FKBP2: variants seen among roughly 807,000 people sequenced by gnomAD.
FKBP2 encodes the protein peptidyl-prolyl cis-trans isomerase FKBP2.
FKBP2 carries 15 observed loss-of-function variants against 19.4 expected under a neutral mutation model. That is an observed-to-expected ratio of 0.77 (90% CI 0.52 to 1.19). The LOEUF (loss-of-function observed/expected upper bound fraction) is 1.19. Ranked by LOEUF, FKBP2 falls within the 50% of genes most tolerant of loss-of-function variation. The probability of loss-of-function intolerance (pLI) is 0.00; values close to 1 mark genes in which losing one functional copy is unlikely to be tolerated. For synonymous variants in FKBP2, 76 were observed against 74.8 expected (o/e 1.02, Z -0.08); for missense variants, 170 against 179.0 (o/e 0.95, Z 0.29).
intron 2 of FKBP2, 76 bp downstream of exon 2, chr11:64,242,634 C>G: frequency 6.9e-7 from 1 of 1,451,964 alleles, no homozygotes; most frequent in Non-Finnish European, 9.2e-7. Flanking sequence ...GTCTGGTTCT[C>G]CATAAGCCAG....
chr11:64,243,345 G>C (rs2030670936), intron 3 of FKBP2, 34 bp downstream of exon 3: 1 of 1,598,498 alleles, frequency 6.3e-7, no homozygotes. Flanking sequence ...GGGAGTGGGG[G>C]CGTGCATGGC....
At chr11:64,242,167 C>T (rs1310589880) in intron 1 of FKBP2, 4 of 476,600 alleles carry the variant, frequency 8.4e-6, no homozygotes, top group Non-Finnish European at 1.1e-5. Flanking sequence ...CTGACCCCCT[C>T]CCCCCGCTGC....
rs1375630371 is a variant in FKBP2 at position 64,242,505 on chromosome 11, G to A, written c.118G>A (p.Asp40Asn). 6.4e-7 allele frequency: 1 copy of A among 1,556,106 alleles called. No individual in the cohort carries two copies. The highest frequency in any genetic ancestry group is 8.6e-7 in the Non-Finnish European group (1 of 1,157,528). The change falls in exon 2 of 6, where the codon GAC (aspartate) becomes AAC (asparagine). Residue 40 changes from aspartate to asparagine, a missense_variant. By Grantham distance (23) the Asp-to-Asn change is conservative. Transcript: ENST00000309366. ...KLQIGVKKRV[D>N]HCPIKSRKGD... ...GCAGATCGGGGTCAAGAAGCGGGTGGACCACTGTCCCATCAAATCGCGCAA... is the reference window on the plus strand; with the variant it reads ...GCAGATCGGGGTCAAGAAGCGGGTGAACCACTGTCCCATCAAATCGCGCAA...
rs780056779 is a variant in FKBP2, at chr11:64,243,983, T to C, written c.383T>C (p.Val128Ala). 6.2e-7 allele frequency: 1 copy of C among 1,614,058 alleles called. No homozygotes were observed. Among genetic ancestry groups the C allele is most frequent in the Middle Eastern group, 1.6e-4 (1 of 6,062 alleles). ...TCCCCTACAGGTGGTGCAACCCTGG[T>C]GTTCGAGGTGGAGCTGCTCAAAATA... ...PPKIPGGATLVFEVELLKIER... is the reference protein window; with the variant it reads ...PPKIPGGATLAFEVELLKIER... The change falls in exon 6 of 6, where the codon GTG becomes GCG. Residue 128 changes from valine to alanine, a missense_variant. By Grantham distance (64) the Val-to-Ala change is moderately conservative (BLOSUM62 0). Coordinates refer to ENST00000309366, the MANE Select transcript of FKBP2 (RefSeq NM_004470.4).
At chr11:64,243,920 C>A in intron 5 of FKBP2, 44 bp downstream of exon 5, 1 of 1,614,066 alleles carries the variant, frequency 6.2e-7, no homozygotes, top group African/African-American at 1.3e-5. Flanking sequence ...AGCCAGCCCA[C>A]CTCCCTGTGG....
chr11:64,242,500 G>A lies in FKBP2; in HGVS notation c.113G>A (p.Arg38Gln), dbSNP rs1395233469. ...KRKLQIGVKK[R>Q]VDHCPIKSRK... The stretch of plus-strand genomic sequence containing the variant: ...AAGCTGCAGATCGGGGTCAAGAAGC[G>A]GGTGGACCACTGTCCCATCAAATCG... Residue 38 changes from arginine (R) to glutamine (Q), a missense_variant, in exon 2 of 6, where the codon CGG becomes CAG. By Grantham distance (43) the Arg-to-Gln change is conservative. Coordinates refer to ENST00000309366, the MANE Select transcript of FKBP2 (RefSeq NM_004470.4). The A allele has an allele frequency of 5.1e-6, 8 of 1,556,370 alleles. No individual in the cohort carries two copies. The highest frequency in any genetic ancestry group is 6.9e-6 in the Non-Finnish European group (8 of 1,157,920).
Position 64,243,854 on chromosome 11 carries a change from G to C in FKBP2, c.345G>C (p.Arg115=), listed in dbSNP as rs142218591. ...VIPSELGYGE[R]GAPPKIPGGA... is the part of the protein sequence containing the mutation. ...CATCTTCAACAGGGTATGGAGAGCGGGGAGCTCCCCCAAAGATTCCAGGTA... is the reference window on the plus strand; with the variant it reads ...CATCTTCAACAGGGTATGGAGAGCGCGGAGCTCCCCCAAAGATTCCAGGTA... The change falls in exon 5 of 6, where the codon CGG becomes CGC. Residue 115 remains arginine (R), a synonymous_variant. Transcript: ENST00000309366. The C allele has an allele frequency of 7.4e-6, 12 of 1,614,000 alleles. No homozygotes were observed. In the African/African-American group the frequency reaches 1.5e-4, roughly 20 times the overall value.
At chr11:64,242,305 C>G in intron 1 of FKBP2, 79 bp from the exon 2 acceptor site, 1 of 1,351,646 alleles carries the variant, frequency 7.4e-7, no homozygotes, top group South Asian at 1.6e-5. Flanking sequence ...CGGTGGAACC[C>G]TCCTGTTACC....
intron 2 of FKBP2, 34 bp from the exon 3 acceptor site, chr11:64,243,165 C>A: frequency 6.3e-7 from 1 of 1,599,726 alleles, no homozygotes; most frequent in South Asian, 1.1e-5. Flanking sequence ...GGGGTGGTCC[C>A]CTCTTCCTCA....
At chr11:64,243,333 T>C (rs1174149794) in intron 3 of FKBP2, 22 bp downstream of exon 3, 1 of 1,599,360 alleles carries the variant, frequency 6.3e-7, no homozygotes, top group African/African-American at 1.3e-5. Context: ...GGGAATGGGC[T>C]TGGGAGTGGG....
intron 1 of FKBP2, chr11:64,242,183 T>C: frequency 2.1e-6 from 1 of 484,320 alleles, no homozygotes; most frequent in Non-Finnish European, 3.6e-6. Flanking sequence ...GCTGCTGGGG[T>C]CCTCGGCCAA....
At chr11:64,243,753 T>C in intron 4 of FKBP2, 88 bp from the exon 5 acceptor site, 1 of 1,563,648 alleles carries the variant, frequency 6.4e-7, no homozygotes, top group Non-Finnish European at 8.8e-7. Flanking sequence ...TCTGGCCTTC[T>C]TGCTGAGAGG....
intron 3 of FKBP2, 24 bp from the exon 4 acceptor site, chr11:64,243,427 G>T (rs760153459): frequency 6.2e-7 from 1 of 1,613,982 alleles, no homozygotes; most frequent in Non-Finnish European, 8.5e-7. Context: ...TGCTGCCATG[G>T]GCTGAGCATG....
At chr11:64,243,421 G>C (rs776970246) in intron 3 of FKBP2, 30 bp from the exon 4 acceptor site, 1 of 1,613,784 alleles carries the variant, frequency 6.2e-7, no homozygotes, top group East Asian at 2.2e-5. Flanking sequence ...CCTGGGTGCT[G>C]CCATGGGCTG....
intron 4 of FKBP2, 57 bp downstream of exon 4, chr11:64,243,554 T>C: frequency 6.3e-7 from 1 of 1,591,598 alleles, no homozygotes; most frequent in Non-Finnish European, 8.6e-7. Context: ...CTGGGAAGGG[T>C]GAAAGCTGCT....
intron 2 of FKBP2, among the ~76,000 whole-genome samples, chr11:64,242,874 G>A (rs2030621745): frequency 6.6e-6 from 1 of 152,212 alleles, no homozygotes; most frequent in South Asian, 2.1e-4. Context: ...TCAGGAATTT[G>A]AGACCAGTTT....
At chr11:64,243,521 C>T in intron 4 of FKBP2, 24 bp downstream of exon 4, 1 of 1,612,912 alleles carries the variant, frequency 6.2e-7, no homozygotes. Flanking sequence ...CCTGAGGGTG[C>T]AGAGCGAGTT....
At position 64,243,479 on chromosome 11, in the gene FKBP2, G is replaced by C. The variant is rs566437679; in HGVS notation, c.313G>C (p.Val105Leu). 6.2e-7 allele frequency: 1 copy of C among 1,613,962 alleles called. No homozygotes were observed. Among genetic ancestry groups the C allele is most frequent in the Non-Finnish European group, 8.5e-7 (1 of 1,180,024 alleles). ...GTGTGAGGGGGAAAAGCGCAAGCTGGTGATCCCATCCGAGCTAGGTAAGAG... is the reference window on the plus strand; with the variant it reads ...GTGTGAGGGGGAAAAGCGCAAGCTGCTGATCCCATCCGAGCTAGGTAAGAG... ...GMCEGEKRKL[V>L]IPSELGYGER... The change falls in exon 4 of 6, where the codon GTG (valine) becomes CTG (leucine). Residue 105 changes from valine (V) to leucine (L), a missense_variant. By Grantham distance (32) the Val-to-Leu change is conservative. Transcript: ENST00000309366.
chr11:64,243,781 T>C (rs1289930002), intron 4 of FKBP2, 60 bp from the exon 5 acceptor site: 3 of 1,604,656 alleles, frequency 1.9e-6, no homozygotes, highest in South Asian at 1.1e-5. Flanking sequence ...CACTCTCCCT[T>C]TGCCCACACT....
Sources: gnomAD v4.1 joint callset for allele counts (sites outside exome capture counted in the v4.1 genomes callset) on GRCh38, gnomAD v4.1.1 for gene constraint, MANE v1.5 for transcripts, NCBI Gene and HGNC (gene_info 2026-07-23, HGNC 2026-07-21) for gene names.